Variants in CDH12 observed in about 807,000 individuals in gnomAD.
The protein encoded by CDH12 is cadherin 12, also known as cadherin-12.
In CDH12, 41 loss-of-function variants were observed where a neutral mutation model predicts 74.1. The ratio of observed to expected loss-of-function variants is 0.55; its 90% confidence interval spans 0.43 to 0.72. The LOEUF (loss-of-function observed/expected upper bound fraction) is 0.72. CDH12 is among the 30% of genes least tolerant of loss of function. The probability of loss-of-function intolerance (pLI) is 0.00; values close to 1 mark genes in which losing one functional copy is unlikely to be tolerated. For synonymous variants in CDH12, 399 were observed against 355.0 expected (o/e 1.12, Z -1.39); for missense variants, 945 against 977.2 (o/e 0.97, Z 0.44).
chr5:22,530,772 C>A (rs1193341074), intron 1 of CDH12, among the ~76,000 whole-genome samples: 1 of 152,040 alleles, frequency 6.6e-6, no homozygotes, highest in Non-Finnish European at 1.5e-5. Context: ...ACTTTTAAAT[C>A]ATTTTCTGCA....
At chr5:22,301,786 C>A (rs1737893177) in intron 3 of CDH12, among the ~76,000 whole-genome samples, 1 of 151,920 alleles carries the variant, frequency 6.6e-6, no homozygotes, top group African/African-American at 2.4e-5. Flanking sequence ...AACATGCCAC[C>A]ATGCCCAGCT....
chr5:22,490,312 A>C (rs1746805843), intron 2 of CDH12, among the ~76,000 whole-genome samples: 1 of 152,170 alleles, frequency 6.6e-6, no homozygotes, highest in African/African-American at 2.4e-5. Flanking sequence ...TTCTCTTATA[A>C]TATTGCTTTC....
chr5:21,793,379 G>A (rs1167791914), intron 10 of CDH12, among the ~76,000 whole-genome samples: 1 of 151,294 alleles, frequency 6.6e-6, no homozygotes, highest in African/African-American at 2.4e-5. Flanking sequence ...ATAATACAGT[G>A]CACTTATATG....
Position 21,751,204 on chromosome 5 carries a change from A to C in CDH12, c.*533T>G, listed in dbSNP as rs532724993. The C allele has an allele frequency of 6.5e-6, 1 of 152,982 alleles. No individual in the cohort carries two copies. The highest frequency in any genetic ancestry group is 2.4e-5 in the African/African-American group (1 of 41,582). The allele number at this position is 152,982 out of a possible 1,614,324, so 9.5% of individuals were successfully genotyped here. On this transcript the variant is annotated 3_prime_UTR_variant, in exon 15 of 15. Transcript: ENST00000382254. ...GAAAGTGTTCTTCTTTTGTTCTCAAAAGGAATGAGGAGAGTCAGAGTGTCG... is the reference window on the plus strand; with the variant it reads ...GAAAGTGTTCTTCTTTTGTTCTCAACAGGAATGAGGAGAGTCAGAGTGTCG...
chr5:22,517,923 A>G (rs1293687665), intron 1 of CDH12, among the ~76,000 whole-genome samples: 1 of 152,182 alleles, frequency 6.6e-6, no homozygotes, highest in Non-Finnish European at 1.5e-5. Context: ...ATGGATTACA[A>G]ATGGCTGGCT....
chr5:22,751,686 G>A (rs977590973), intron 1 of CDH12, among the ~76,000 whole-genome samples: 17 of 152,110 alleles, frequency 1.1e-4, no homozygotes, highest in Non-Finnish European at 1.9e-4. Flanking sequence ...CTGTTGCCAC[G>A]TGTTCACTGA....
rs1256151143 is a variant in CDH12, at chr5:21,755,637, GCTAAGTC to G, written c.1832_1838del (p.Gly611AlafsTer5). ...GTAGAATTGCAATCAACGCCCCAGT[GCTAAGTC>G]CTACAGGTAGAAAAATTGCTTCCAC... On this transcript the variant is annotated frameshift_variant, in exon 14 of 15. Transcript: ENST00000382254. LOFTEE classifies it high-confidence loss of function. 1 of 1,613,884 alleles carries G rather than the reference GCTAAGTC, an allele frequency of 6.2e-7. No individual in the cohort carries two copies. Among genetic ancestry groups the G allele is most frequent in the Non-Finnish European group, 8.5e-7 (1 of 1,179,830 alleles).
intron 1 of CDH12, among the ~76,000 whole-genome samples, chr5:22,570,035 T>TTTTA (rs59201709): frequency 0.098 from 14,766 of 149,946 alleles, 925 homozygotes; most frequent in East Asian, 0.21. Flanking sequence ...ATGTATTTCG[T>TTTTA]TTTATTTATT....
At chr5:22,302,224 A>T (rs1737915876) in intron 3 of CDH12, among the ~76,000 whole-genome samples, 1 of 152,196 alleles carries the variant, frequency 6.6e-6, no homozygotes, top group South Asian at 2.1e-4. Context: ...AAACTAGTAC[A>T]TCCGCTCTAC....
rs115654125 is a variant in CDH12, at chr5:22,284,817, A to G, written c.-332-72174T>C. Among the ~76,000 whole-genome samples, 144 of 152,174 alleles carry G rather than the reference A, an allele frequency of 9.5e-4. 1 individual carries two copies. Among genetic ancestry groups the G allele is most frequent in the Middle Eastern group, 3.4e-3 (1 of 294 alleles). On this transcript the variant is annotated intron_variant, in intron 3 of 14. Transcript: ENST00000382254. ...ATTGTATTTAAGGATTTGCTTCAAT[A>G]ATGAGAAACAAAAATGAAAGAAGGG... is the stretch of plus-strand genomic sequence containing the variant.
At chr5:22,065,005 C>A (rs1741460383) in intron 5 of CDH12, among the ~76,000 whole-genome samples, 1 of 152,124 alleles carries the variant, frequency 6.6e-6, no homozygotes, top group Non-Finnish European at 1.5e-5. Context: ...TTTGGGAAGA[C>A]CTTGATGAAG....
intron 1 of CDH12, among the ~76,000 whole-genome samples, chr5:22,735,811 CAT>C (rs1275713796): frequency 6.6e-6 from 1 of 151,810 alleles, no homozygotes; most frequent in Non-Finnish European, 1.5e-5. Flanking sequence ...AGTGTTTACT[CAT>C]GTGTCATCTT....
chr5:22,076,341 T>C (rs1301404715), intron 5 of CDH12, among the ~76,000 whole-genome samples: 2 of 152,178 alleles, frequency 1.3e-5, no homozygotes, highest in Non-Finnish European at 2.9e-5. Context: ...TCCCATGGAC[T>C]GTTCGGGGAG....
intron 9 of CDH12, among the ~76,000 whole-genome samples, chr5:21,805,861 C>A (rs1351726015): frequency 6.6e-6 from 1 of 152,240 alleles, no homozygotes; most frequent in East Asian, 1.9e-4. Context: ...TTATCTCTTG[C>A]ACAATAAATA....
chr5:21,794,002 T>G (rs1451890036), intron 10 of CDH12, among the ~76,000 whole-genome samples: 1 of 151,136 alleles, frequency 6.6e-6, no homozygotes, highest in South Asian at 2.1e-4. Context: ...ATTTAAAAAT[T>G]TTTCTTGATG....
chr5:22,232,391 G>T (rs1752415794), intron 3 of CDH12, among the ~76,000 whole-genome samples: 3 of 151,728 alleles, frequency 2.0e-5, no homozygotes. Flanking sequence ...TAAAAATAAT[G>T]TTAAAATAAA....
intron 3 of CDH12, among the ~76,000 whole-genome samples, chr5:22,237,840 C>T (rs1303899035): frequency 6.6e-6 from 1 of 152,150 alleles, no homozygotes; most frequent in East Asian, 1.9e-4. Context: ...TGTTAATATA[C>T]ATACATTTTT....
Position 21,966,158 on chromosome 5 carries a change from G to GTTTT in CDH12, c.526+8929_526+8932dup, listed in dbSNP as rs71609724. Among the ~76,000 whole-genome samples, 146 of 123,300 alleles carry GTTTT rather than the reference G, an allele frequency of 1.2e-3. No homozygotes were observed. In the Middle Eastern group the frequency reaches 0.014, roughly 12 times the overall value. 80.9% of individuals were successfully genotyped at this position (123,300 alleles called of 152,430 possible). A position where few individuals can be genotyped will look rare whatever the true frequency, so the allele number is the denominator to read the frequency against. On this transcript the variant is annotated intron_variant, in intron 6 of 14. Coordinates refer to ENST00000382254, the MANE Select transcript of CDH12 (RefSeq NM_004061.5). ...CTTGCCATTTTCTTTCTATTTTTAC[G>GTTTT]TTTTTTTTTTTTTTTTTCTTTTGGA...
At chr5:22,825,261 T>A (rs546288888) in intron 1 of CDH12, among the ~76,000 whole-genome samples, 1 of 152,030 alleles carries the variant, frequency 6.6e-6, no homozygotes, top group Admixed American at 6.6e-5. Flanking sequence ...AATGTACATA[T>A]ATATACTTAC....
Sources: allele counts gnomAD v4.1 joint callset (sites outside exome capture counted in the v4.1 genomes callset), GRCh38; gene constraint gnomAD v4.1.1; transcripts MANE v1.5; gene names NCBI Gene and HGNC (gene_info 2026-07-23, HGNC 2026-07-21).